The following LMBR1 variants were observed in gnomAD, a reference collection of about 807,000 sequenced individuals.
LMBR1 encodes limb development membrane protein 1.
In LMBR1, 52 loss-of-function variants were observed where a neutral mutation model predicts 73.9. That is an observed-to-expected ratio of 0.70 (90% confidence interval 0.56 to 0.89). LMBR1 has a LOEUF of 0.89. Ranked by LOEUF, LMBR1 falls within the 40% of genes least tolerant of loss-of-function variation. The probability of loss-of-function intolerance (pLI) is 0.00; values close to 1 mark genes in which losing one functional copy is unlikely to be tolerated. For synonymous variants in LMBR1, 215 were observed against 209.4 expected (o/e 1.03, Z -0.23); for missense variants, 539 against 579.8 (o/e 0.93, Z 0.72).
chr7:156,892,958 C>G lies in LMBR1; in HGVS notation c.36G>C (p.Gln12His). The part of the protein sequence containing the change: ...EGQDEVSARE[Q>H]HFHSQVREST... The stretch of plus-strand genomic sequence containing the variant: ...ACTCCCGCACTTGGCTGTGGAAGTG[C>G]TGCTCCCGCGCCGACACCTCGTCCT... Residue 12 changes from glutamine (Q) to histidine (H), a missense_variant, in exon 1 of 17, where the codon CAG (glutamine) becomes CAC (histidine). Gln to His is a conservative substitution (Grantham distance 24, BLOSUM62 0). Coordinates refer to ENST00000353442, the MANE Select transcript of LMBR1 (RefSeq NM_022458.4). The G allele has an allele frequency of 6.5e-7, 1 of 1,543,838 alleles. No homozygotes were observed. Among genetic ancestry groups the G allele is most frequent in the South Asian group, 1.2e-5 (1 of 84,756 alleles).
At chr7:156,860,928 T>C (rs560806781) in intron 1 of LMBR1, among the ~76,000 whole-genome samples, 2 of 152,268 alleles carry the variant, frequency 1.3e-5, no homozygotes, top group Non-Finnish European at 2.9e-5. Context: ...GCCTTCTGTC[T>C]GCTTTCACCA....
intron 15 of LMBR1, among the ~76,000 whole-genome samples, chr7:156,706,112 T>C (rs1395945567): frequency 7.5e-6 from 1 of 134,186 alleles, no homozygotes; most frequent in African/African-American, 2.8e-5. Context: ...AGACCAGGAG[T>C]AGTTATACTG....
At chr7:156,836,097 T>C (rs992048408) in intron 2 of LMBR1, among the ~76,000 whole-genome samples, 4 of 152,226 alleles carry the variant, frequency 2.6e-5, no homozygotes, top group Non-Finnish European at 5.9e-5. Flanking sequence ...GAGCAGGCAC[T>C]ATAACCTATT....
intron 15 of LMBR1, 140 bp from the exon 16 acceptor site, chr7:156,688,331 A>G (rs1806399854): frequency 1.7e-6 from 1 of 585,838 alleles, no homozygotes; most frequent in East Asian, 3.2e-5. Flanking sequence ...AATAAATCCT[A>G]ATTTAAAATA....
At chr7:156,779,743 T>C (rs1415339623) in intron 5 of LMBR1, 1 of 1,267,116 alleles carries the variant, frequency 7.9e-7, no homozygotes, top group Non-Finnish European at 1.0e-6. Flanking sequence ...CTGTAAGGGA[T>C]GTAAAAACCA....
chr7:156,891,702 C>A (rs866743238), intron 1 of LMBR1, among the ~76,000 whole-genome samples: 23 of 152,278 alleles, frequency 1.5e-4, no homozygotes, highest in African/African-American at 5.3e-4. Flanking sequence ...CAGGAGTACA[C>A]AGGCGTGTTT....
At chr7:156,675,044 C>T (rs1471345255), downstream of LMBR1, among the ~76,000 whole-genome samples, 2 of 152,166 alleles carry the variant, frequency 1.3e-5, no homozygotes, top group Admixed American at 6.5e-5. Context: ...GAAAATTACA[C>T]GGATTTACTT....
At position 156,670,837 on chromosome 7, in the gene LMBR1, G is replaced by C. The variant is rs1563095759; in HGVS notation, n.867-1550C>G. Among the ~76,000 whole-genome samples the C allele has an allele frequency of 6.6e-6, 1 of 152,200 alleles. No individual in the cohort carries two copies. Among genetic ancestry groups the C allele is most frequent in the Non-Finnish European group, 1.5e-5 (1 of 68,032 alleles). On this transcript the variant is annotated intron_variant and non_coding_transcript_variant, in intron 4 of 4. Coordinates refer to the LMBR1 transcript ENST00000430825. The surrounding 1 kb of genome is among the most constrained non-coding windows in gnomAD (Gnocchi z 4.3). ...CGTCTTCGTTAAAGGAAATTCTAAAGGATGCCTTGCATGAGGAAGGAAAAT... is the reference window on the plus strand; with the variant it reads ...CGTCTTCGTTAAAGGAAATTCTAAACGATGCCTTGCATGAGGAAGGAAAAT...
At chr7:156,763,898 G>C (rs1175266930) in intron 5 of LMBR1, 103 bp from the exon 6 acceptor site, 2 of 852,212 alleles carry the variant, frequency 2.3e-6, no homozygotes, top group Non-Finnish European at 3.3e-6. Context: ...TGGAAGGAGA[G>C]GAAATTTATA....
chr7:156,754,219 C>A (rs1266370451), intron 9 of LMBR1, among the ~76,000 whole-genome samples: 1 of 152,154 alleles, frequency 6.6e-6, no homozygotes, highest in African/African-American at 2.4e-5. Context: ...TAGCTTTATG[C>A]CTACAGCACC....
chr7:156,782,404 C>T (rs370088397), intron 5 of LMBR1, among the ~76,000 whole-genome samples: 21 of 152,280 alleles, frequency 1.4e-4, no homozygotes, highest in African/African-American at 4.8e-4. Context: ...TTGTTTTCCA[C>T]ACCAGCTCTT....
At chr7:156,827,275 GA>G (rs1212394590) in intron 3 of LMBR1, among the ~76,000 whole-genome samples, 2 of 151,960 alleles carry the variant, frequency 1.3e-5, no homozygotes, top group Non-Finnish European at 1.5e-5. Flanking sequence ...ATAAAAAACA[GA>G]AAACTATTAA....
At chr7:156,854,411 G>C (rs1440644705) in intron 1 of LMBR1, among the ~76,000 whole-genome samples, 1 of 152,162 alleles carries the variant, frequency 6.6e-6, no homozygotes, top group Admixed American at 6.5e-5. Context: ...CAGATTCTCA[G>C]AGTAAAGATT....
At chr7:156,775,320 G>T (rs546437767) in intron 5 of LMBR1, among the ~76,000 whole-genome samples, 1 of 151,970 alleles carries the variant, frequency 6.6e-6, no homozygotes, top group South Asian at 2.1e-4. Context: ...GTGAGCCGAG[G>T]TCAAGCCACT....
intron 1 of LMBR1, 43 bp downstream of exon 1, chr7:156,892,885 G>A: frequency 7.2e-7 from 1 of 1,385,220 alleles, no homozygotes; most frequent in East Asian, 3.1e-5. Flanking sequence ...GAGGGCCCGG[G>A]CGGGCACGCG....
At chr7:156,693,535 T>C (rs1307848414) in intron 15 of LMBR1, among the ~76,000 whole-genome samples, 1 of 152,032 alleles carries the variant, frequency 6.6e-6, no homozygotes, top group Non-Finnish European at 1.5e-5. Context: ...ACAAATTGGA[T>C]AACCCAAAAG....
At chr7:156,741,412 C>T (rs778496362) in intron 9 of LMBR1, among the ~76,000 whole-genome samples, 2 of 152,046 alleles carry the variant, frequency 1.3e-5, no homozygotes, top group African/African-American at 4.8e-5. Context: ...AAGAAATACA[C>T]GTTACCTATA....
intron 1 of LMBR1, among the ~76,000 whole-genome samples, chr7:156,859,287 T>G (rs1488433238): frequency 1.3e-5 from 2 of 149,610 alleles, no homozygotes; most frequent in Non-Finnish European, 3.0e-5. Flanking sequence ...CTCCCAAGAC[T>G]GGAATCAAGG....
intron 1 of LMBR1, among the ~76,000 whole-genome samples, chr7:156,845,273 C>G (rs1839405023): frequency 6.6e-6 from 1 of 152,004 alleles, no homozygotes. Flanking sequence ...TCTTATATTC[C>G]ATAGCAGAGA....
Sources: allele counts gnomAD v4.1 joint callset (sites outside exome capture counted in the v4.1 genomes callset), GRCh38; gene constraint gnomAD v4.1.1; non-coding constraint Gnocchi (gnomAD v3.1); transcripts MANE v1.5; gene names NCBI Gene and HGNC (gene_info 2026-07-23, HGNC 2026-07-21).